Variants in AJAP1 observed in about 807,000 individuals in gnomAD.
AJAP1 encodes adherens junctions associated protein 1.
AJAP1 carries 5 observed loss-of-function variants against 35.0 expected under a neutral mutation model. The ratio of observed to expected loss-of-function variants is 0.14; its 90% confidence interval spans 0.07 to 0.30. The LOEUF is 0.30. AJAP1 is among the 10% of genes least tolerant of loss of function. The probability of loss-of-function intolerance (pLI) is 1.00; values close to 1 mark genes in which losing one functional copy is unlikely to be tolerated. For synonymous variants in AJAP1, 284 were observed against 249.3 expected (o/e 1.14, Z -1.31); for missense variants, 586 against 571.0 (o/e 1.03, Z -0.27).
intron 1 of AJAP1, among the ~76,000 whole-genome samples, chr1:4,694,465 C>T (rs1429215291): frequency 3.9e-5 from 6 of 152,238 alleles, no homozygotes; most frequent in Admixed American, 1.3e-4. Context: ...CTTCCCTGGG[C>T]CTGTTCTGCT....
chr1:4,735,680 C>T (rs980656912), intron 2 of AJAP1, among the ~76,000 whole-genome samples: 54 of 152,308 alleles, frequency 3.5e-4, no homozygotes, highest in African/African-American at 1.1e-3. Context: ...GAGCTCCTCC[C>T]TGCTCCTCTG....
chr1:4,732,283 G>A (rs1374551497), intron 2 of AJAP1, among the ~76,000 whole-genome samples: 1 of 152,248 alleles, frequency 6.6e-6, no homozygotes, highest in Admixed American at 6.5e-5. Context: ...GTGCTGATGA[G>A]GCCAGACAGG....
intron 1 of AJAP1, among the ~76,000 whole-genome samples, chr1:4,703,833 G>A (rs889509107): frequency 5.3e-5 from 8 of 152,270 alleles, no homozygotes; most frequent in Admixed American, 1.3e-4. Context: ...CACATTCCAG[G>A]AGAAGATACA....
At chr1:4,664,579 G>T (rs567504255) in intron 1 of AJAP1, among the ~76,000 whole-genome samples, 1 of 152,312 alleles carries the variant, frequency 6.6e-6, no homozygotes, top group Non-Finnish European at 1.5e-5. Context: ...CCCCGGTCAT[G>T]CCCTTCTGCC....
intron 5 of AJAP1, among the ~76,000 whole-genome samples, chr1:4,777,054 G>A (rs1641955212): frequency 6.6e-6 from 1 of 152,186 alleles, no homozygotes; most frequent in African/African-American, 2.4e-5. Context: ...GCCGATTGCG[G>A]GACAGACCGT....
rs533873006 is a variant in AJAP1 at position 4,692,296 on chromosome 1, G to A, written c.30-19604G>A. ...CAGGGCTTCTCGGGCTCCTCACCCC[G>A]CGCCCTGGGCTGCTCTCCTCTCTCC... On this transcript the variant is annotated intron_variant, in intron 1 of 5. Coordinates refer to ENST00000378191, the MANE Select transcript of AJAP1 (RefSeq NM_018836.4). The surrounding 1 kb of genome is among the most constrained non-coding windows in gnomAD (Gnocchi z 4.4). Among the ~76,000 whole-genome samples, 40 of 152,218 alleles carry A rather than the reference G, an allele frequency of 2.6e-4. No individual in the cohort carries two copies. Among genetic ancestry groups the A allele is most frequent in the African/African-American group, 4.8e-4 (20 of 41,526 alleles).
chr1:4,782,853 G>A lies in AJAP1; in HGVS notation c.*368G>A, dbSNP rs1223314295. ...AGGAAGCATCCGAAACCTAGGATTC[G>A]TCCTACGATTCTGAACCTGTGCCAA... is the stretch of plus-strand genomic sequence containing the variant. On this transcript the variant is annotated 3_prime_UTR_variant, in exon 6 of 6. Coordinates refer to ENST00000378191, the MANE Select transcript of AJAP1 (RefSeq NM_018836.4). The surrounding 1 kb of genome is among the most constrained non-coding windows in gnomAD (Gnocchi z 5.3). The A allele has an allele frequency of 2.3e-5, 9 of 398,480 alleles. No individual in the cohort carries two copies. The highest frequency in any genetic ancestry group is 1.8e-4 in the East Asian group (5 of 28,078). The allele number at this position is 398,480 out of a possible 1,614,324, so 24.7% of individuals were successfully genotyped here.
At chr1:4,775,024 A>G (rs758136039) in intron 5 of AJAP1, among the ~76,000 whole-genome samples, 2 of 152,194 alleles carry the variant, frequency 1.3e-5, no homozygotes, top group African/African-American at 2.4e-5. Context: ...TTAAAATACA[A>G]TTTTGAAATA....
At chr1:4,771,736 A>C (rs573367892) in intron 3 of AJAP1, among the ~76,000 whole-genome samples, 35 of 152,312 alleles carry the variant, frequency 2.3e-4, no homozygotes, top group African/African-American at 7.9e-4. Flanking sequence ...ATGAAGGACA[A>C]GCCAGCTCGT....
chr1:4,735,011 T>A (rs544239776), intron 2 of AJAP1, among the ~76,000 whole-genome samples: 1 of 152,268 alleles, frequency 6.6e-6, no homozygotes, highest in Admixed American at 6.5e-5. Flanking sequence ...TCACCTCAAC[T>A]TCCCTGGGAG....
At position 4,720,030 on chromosome 1, in the gene AJAP1, G is replaced by A. The variant is rs777201514; in HGVS notation, c.829+7331G>A. ...CCTCTGCCCAGGAGTGGCCTGCATT[G>A]TGGATGTCTAGCTTAAAAGGCTGCC... On this transcript the variant is annotated intron_variant, in intron 2 of 5. Transcript: ENST00000378191. The surrounding 1 kb of genome is among the most constrained non-coding windows in gnomAD (Gnocchi z 4.4). 6.6e-6 allele frequency among the ~76,000 whole-genome samples: 1 copy of A among 152,188 alleles called. No individual in the cohort carries two copies. Among genetic ancestry groups the A allele is most frequent in the Non-Finnish European group, 1.5e-5 (1 of 68,034 alleles).
chr1:4,686,433 G>T (rs757586579), intron 1 of AJAP1, among the ~76,000 whole-genome samples: 2 of 152,132 alleles, frequency 1.3e-5, no homozygotes, highest in African/African-American at 4.8e-5. Flanking sequence ...CCCTGAGTGC[G>T]TGGGTAAGTC....
chr1:4,758,171 C>A (rs746620375), intron 2 of AJAP1, among the ~76,000 whole-genome samples: 1 of 152,106 alleles, frequency 6.6e-6, no homozygotes, highest in African/African-American at 2.4e-5. Flanking sequence ...GACATGTTTC[C>A]CTTATAAATT....
Position 4,783,028 on chromosome 1 carries a change from A to G in AJAP1, c.*543A>G, listed in dbSNP as rs1407420798. 1 of 392,174 alleles carries G rather than the reference A, an allele frequency of 2.5e-6. No individual in the cohort carries two copies. Among genetic ancestry groups the G allele is most frequent in the Non-Finnish European group, 4.5e-6 (1 of 223,260 alleles). The allele number at this position is 392,174 out of a possible 1,614,324, so 24.3% of individuals were successfully genotyped here. ...CTGGTTAATATACATATATAAATAT[A>G]TAAATACAAACACACACACACACTT... On this transcript the variant is annotated 3_prime_UTR_variant, in exon 6 of 6. Coordinates refer to ENST00000378191, the MANE Select transcript of AJAP1 (RefSeq NM_018836.4).
chr1:4,712,928 G>A (rs1448749545), intron 2 of AJAP1, among the ~76,000 whole-genome samples: 3 of 152,184 alleles, frequency 2.0e-5, no homozygotes, highest in Non-Finnish European at 4.4e-5. Context: ...TATGTACCTA[G>A]AAGTGGGCGC....
chr1:4,697,759 C>T (rs893948691), intron 1 of AJAP1, among the ~76,000 whole-genome samples: 1 of 152,240 alleles, frequency 6.6e-6, no homozygotes, highest in African/African-American at 2.4e-5. Context: ...GGTCCCAGGA[C>T]GACCTGGACA....
intron 2 of AJAP1, among the ~76,000 whole-genome samples, chr1:4,735,189 A>C (rs949100853): frequency 5.3e-5 from 8 of 152,260 alleles, no homozygotes. Context: ...TGGTGGGACC[A>C]GGCCTCCTGG....
chr1:4,775,463 TA>T (rs1641922882), intron 5 of AJAP1, among the ~76,000 whole-genome samples: 1 of 152,092 alleles, frequency 6.6e-6, no homozygotes. Context: ...TATTTGAAAA[TA>T]TTTTTTTCTT....
chr1:4,713,485 G>T (rs1220276407), intron 2 of AJAP1, among the ~76,000 whole-genome samples: 2 of 152,094 alleles, frequency 1.3e-5, no homozygotes, highest in African/African-American at 2.4e-5. Flanking sequence ...CCTCCTATAC[G>T]CTGTCCTCCA....
Sources: allele counts gnomAD v4.1 joint callset (sites outside exome capture counted in the v4.1 genomes callset), GRCh38; gene constraint gnomAD v4.1.1; non-coding constraint Gnocchi (gnomAD v3.1); transcripts MANE v1.5; gene names NCBI Gene and HGNC (gene_info 2026-07-23, HGNC 2026-07-21).